Variants in BBS9 observed in about 807,000 individuals in gnomAD.
BBS9 encodes Bardet-Biedl syndrome 9, also known as protein PTHB1.
BBS9 carries 89 observed loss-of-function variants against 117.7 expected under a neutral mutation model. The observed-to-expected ratio is 0.76, with a 90% CI of 0.64 to 0.90. The LOEUF (loss-of-function observed/expected upper bound fraction) is 0.90, where lower values mean the gene tolerates loss of function less well. BBS9 is among the 40% of genes least tolerant of loss of function. The probability of loss-of-function intolerance (pLI) is 0.00; values close to 1 mark genes in which losing one functional copy is unlikely to be tolerated. For synonymous variants in BBS9, 379 were observed against 370.9 expected, an observed-to-expected ratio of 1.02 and a Z score of -0.25; for missense variants, 982 against 1,042.2, an observed-to-expected ratio of 0.94 and a Z score of 0.80.
intron 1 of BBS9, 127 bp downstream of exon 1, chr7:33,130,168 G>A (rs1210431310): frequency 6.6e-6 from 1 of 152,158 alleles, no homozygotes; most frequent in East Asian, 1.9e-4. Context: ...TTTCTTAGAT[G>A]TTTGCACTGA....
intron 17 of BBS9, among the ~76,000 whole-genome samples, chr7:33,376,119 T>A (rs1823835558): frequency 6.6e-6 from 1 of 152,018 alleles, no homozygotes; most frequent in Non-Finnish European, 1.5e-5. Context: ...ACAGATTACT[T>A]TTCTCACCCA....
At chr7:33,423,759 A>G (rs1413801597) in intron 19 of BBS9, among the ~76,000 whole-genome samples, 2 of 152,138 alleles carry the variant, frequency 1.3e-5, no homozygotes, top group Non-Finnish European at 2.9e-5. Flanking sequence ...TTCTTTCAGT[A>G]TGTTAATTTA....
At chr7:33,561,033 G>A (rs1267391493) in intron 21 of BBS9, among the ~76,000 whole-genome samples, 23 of 152,066 alleles carry the variant, frequency 1.5e-4, no homozygotes, top group Admixed American at 1.5e-3. Context: ...GCTACTTCTT[G>A]GAGACCCTTC....
At chr7:33,411,011 G>GTTTTTTTTTTTTTTTTT (rs765425062) in intron 19 of BBS9, among the ~76,000 whole-genome samples, 16 of 96,434 alleles carry the variant, frequency 1.7e-4, no homozygotes, top group African/African-American at 4.4e-4. Context: ...AAATGTTGGT[G>GTTTTTTTTTTTTTTTTT]TTTTTTTTTT....
chr7:33,628,503 T>C (rs1269682090), intron 21 of BBS9, among the ~76,000 whole-genome samples: 1 of 152,206 alleles, frequency 6.6e-6, no homozygotes, highest in African/African-American at 2.4e-5. Context: ...TCAGTACCTA[T>C]TATTGCTTAA....
intron 5 of BBS9, among the ~76,000 whole-genome samples, chr7:33,250,909 C>A (rs1277213610): frequency 6.6e-6 from 1 of 152,058 alleles, no homozygotes; most frequent in Non-Finnish European, 1.5e-5. Flanking sequence ...ATGAGAGACA[C>A]AAAAACAGAT....
chr7:33,147,257 CT>C (rs778843694), intron 2 of BBS9, among the ~76,000 whole-genome samples: 9 of 147,154 alleles, frequency 6.1e-5, no homozygotes, highest in South Asian at 2.2e-4. Flanking sequence ...TAGTCATGGG[CT>C]TTTTTTTTGT....
intron 5 of BBS9, among the ~76,000 whole-genome samples, chr7:33,241,031 G>T (rs1794428980): frequency 6.6e-6 from 1 of 152,088 alleles, no homozygotes; most frequent in South Asian, 2.1e-4. Flanking sequence ...CGAGGGAAAA[G>T]ATACCATGTT....
At chr7:33,582,523 T>TACACAC (rs141224049) in intron 21 of BBS9, among the ~76,000 whole-genome samples, 14 of 147,774 alleles carry the variant, frequency 9.5e-5, no homozygotes, top group Middle Eastern at 3.5e-3. Context: ...GTTTCTACAA[T>TACACAC]ACACACACAC....
At chr7:33,558,697 C>T (rs530939832) in intron 21 of BBS9, among the ~76,000 whole-genome samples, 81 of 152,086 alleles carry the variant, frequency 5.3e-4, no homozygotes, top group African/African-American at 1.8e-3. Flanking sequence ...CATTCATAAT[C>T]TGGAATAATT....
intron 21 of BBS9, among the ~76,000 whole-genome samples, chr7:33,600,037 G>A (rs563276863): frequency 7.9e-5 from 12 of 152,248 alleles, no homozygotes; most frequent in Non-Finnish European, 4.4e-5. Flanking sequence ...CAAGGAGTTT[G>A]CTGGTATTTG....
chr7:33,177,372 A>C (rs932492917), intron 4 of BBS9, 106 bp from the exon 5 acceptor site: 2 of 777,314 alleles, frequency 2.6e-6, no homozygotes, highest in Non-Finnish European at 4.4e-6. Context: ...GTGCTTTGCC[A>C]TTATAATTTC....
chr7:33,570,439 G>A (rs1284234704), intron 21 of BBS9, among the ~76,000 whole-genome samples: 1 of 152,056 alleles, frequency 6.6e-6, no homozygotes, highest in African/African-American at 2.4e-5. Context: ...TAAAAATAGG[G>A]GGGAAAGGAC....
chr7:33,451,746 G>A (rs543931547), intron 19 of BBS9, among the ~76,000 whole-genome samples: 1 of 152,226 alleles, frequency 6.6e-6, no homozygotes, highest in South Asian at 2.1e-4. Flanking sequence ...GATTTTGATA[G>A]GGATTTTAGT....
Position 33,273,204 on chromosome 7 carries a change from A to G in BBS9, c.886+9A>G. 6.2e-7 allele frequency: 1 copy of G among 1,613,562 alleles called. No homozygotes were observed. The highest frequency in any genetic ancestry group is 8.5e-7 in the Non-Finnish European group (1 of 1,179,642). ...TCTGCCATATTGCTCAGGTGTGTAG[A>G]AAGATTTTCTTTTATCTCTTCCATA... is the stretch of plus-strand genomic sequence containing the variant. On this transcript the variant is annotated intron_variant, in intron 8 of 22. Transcript: ENST00000242067.
intron 5 of BBS9, among the ~76,000 whole-genome samples, chr7:33,240,275 T>C (rs1433728923): frequency 7.7e-6 from 1 of 129,468 alleles, no homozygotes; most frequent in Non-Finnish European, 1.7e-5. Context: ...TTTTTTTTTT[T>C]GAGACAGGAT....
At chr7:33,288,712 T>G (rs2128393777) in intron 9 of BBS9, among the ~76,000 whole-genome samples, 1 of 152,344 alleles carries the variant, frequency 6.6e-6, no homozygotes, top group Non-Finnish European at 1.5e-5. Flanking sequence ...ATTTATTGGC[T>G]AATGAGTAAC....
chr7:33,502,163 C>T (rs560115429), intron 19 of BBS9, among the ~76,000 whole-genome samples: 2 of 152,282 alleles, frequency 1.3e-5, no homozygotes, highest in African/African-American at 2.4e-5. Flanking sequence ...CCGCCTCGGC[C>T]TCCCAAAGTG....
At chr7:33,628,135 C>A (rs562394713) in intron 21 of BBS9, among the ~76,000 whole-genome samples, 1 of 152,138 alleles carries the variant, frequency 6.6e-6, no homozygotes, top group Non-Finnish European at 1.5e-5. Flanking sequence ...TCAGAAAACA[C>A]GTCAGAGGAA....
Sources: allele counts gnomAD v4.1 joint callset (sites outside exome capture counted in the v4.1 genomes callset), GRCh38; gene constraint gnomAD v4.1.1; transcripts MANE v1.5; gene names NCBI Gene and HGNC (gene_info 2026-07-23, HGNC 2026-07-21).